ITLN1: variants seen among roughly 807,000 people sequenced by gnomAD.
ITLN1 encodes the protein intelectin-1.
Under a neutral mutation model 36.2 loss-of-function variants are expected in ITLN1, and 29 were observed. That is an observed-to-expected ratio of 0.80 (90% CI 0.60 to 1.09). ITLN1 has a LOEUF of 1.09. ITLN1 is among the 50% of genes least tolerant of loss of function. ITLN1 has a pLI of 0.00. For synonymous variants in ITLN1, 143 were observed against 146.5 expected, an observed-to-expected ratio of 0.98 and a Z score of 0.17; for missense variants, 358 against 405.2, an observed-to-expected ratio of 0.88 and a Z score of 1.00.
In ITLN1 at chr1:160,885,152, T is replaced by G; in HGVS notation, c.-98A>C. ...GCCCTGGAGCTCAACAGAGTGCAGC[T>G]TTCTCCAAAAACGCTCCTGATGTGG... On this transcript the variant is annotated 5_prime_UTR_variant, in exon 1 of 8. Coordinates refer to ENST00000326245, the MANE Select transcript of ITLN1 (RefSeq NM_017625.3). 2 of 350,938 alleles carry G rather than the reference T, an allele frequency of 5.7e-6. No homozygotes were observed. Among genetic ancestry groups the G allele is most frequent in the African/African-American group, 4.1e-5 (2 of 48,620 alleles). The allele number at this position is 350,938 out of a possible 1,614,324, so 21.7% of individuals were successfully genotyped here. A position where few individuals can be genotyped will look rare whatever the true frequency, so the allele number is the denominator to read the frequency against.
chr1:160,878,471 C>A (rs1174936620), intron 7 of ITLN1, among the ~76,000 whole-genome samples: 1 of 151,510 alleles, frequency 6.6e-6, no homozygotes, highest in Admixed American at 6.6e-5. Context: ...CTGCAACCTC[C>A]ACCTCCCAGG....
chr1:160,883,404 C>G, intron 3 of ITLN1, 24 bp downstream of exon 3: 1 of 1,525,188 alleles, frequency 6.6e-7, no homozygotes, highest in Non-Finnish European at 9.1e-7. Context: ...TGACTGAGCT[C>G]TGTTTGAATG....
intron 7 of ITLN1, among the ~76,000 whole-genome samples, chr1:160,877,980 C>A (rs550937472): frequency 2.3e-4 from 35 of 152,236 alleles, no homozygotes; most frequent in Admixed American, 6.5e-4. Flanking sequence ...ACCAGCCTGA[C>A]CAACATGGAG....
chr1:160,881,972 C>T lies in ITLN1; in HGVS notation c.390G>A (p.Thr130=), dbSNP rs202028015. The change falls in exon 4 of 8, where the codon ACG becomes ACA. Residue 130 remains threonine, a synonymous_variant. Coordinates refer to ENST00000326245, the MANE Select transcript of ITLN1 (RefSeq NM_017625.3). ...YNTFGSAEAA[T]SDDYKNPGYY... ...TGGCACCAACCTTGTAGTCATCGCT[C>T]GTGGCCGCCTCTGCAGATCCAAAGG... is the stretch of plus-strand genomic sequence containing the variant. The T allele has an allele frequency of 2.9e-5, 47 of 1,614,150 alleles. No individual in the cohort carries two copies. The highest frequency in any genetic ancestry group is 6.7e-5 in the Admixed American group (4 of 60,026).
chr1:160,884,588 G>A (rs541916208), intron 2 of ITLN1, among the ~76,000 whole-genome samples: 1 of 152,288 alleles, frequency 6.6e-6, no homozygotes, highest in East Asian at 1.9e-4. Flanking sequence ...CACAGTTCTT[G>A]CCACAGCCCC....
chr1:160,881,491 C>A, intron 4 of ITLN1, 179 bp from the exon 5 acceptor site: 2 of 630,838 alleles, frequency 3.2e-6, no homozygotes, highest in Non-Finnish European at 5.1e-6. Flanking sequence ...CCCTAACAGC[C>A]TTGTTAGGAG....
chr1:160,879,041 G>T (rs1037530002), intron 7 of ITLN1, among the ~76,000 whole-genome samples: 1 of 152,164 alleles, frequency 6.6e-6, no homozygotes, highest in African/African-American at 2.4e-5. Flanking sequence ...GCGATTGAGT[G>T]TTTTCTCACA....
rs769600088 is a variant in ITLN1, at chr1:160,882,114, G to A, written c.248C>T (p.Ala83Val). ...ACGCATGTCATTCTCGTGCACGCTG[G>A]CCACCAGGGTCCAGCCGCCACCCCC... ...TSGGGGWTLV[A>V]SVHENDMRGK... The change falls in exon 4 of 8, where the codon GCC (alanine) becomes GTC (valine). Residue 83 changes from alanine to valine, a missense_variant. Ala to Val is a moderately conservative substitution (Grantham distance 64, BLOSUM62 0). Coordinates refer to ENST00000326245, the MANE Select transcript of ITLN1 (RefSeq NM_017625.3). The A allele has an allele frequency of 6.2e-7, 1 of 1,614,038 alleles. No homozygotes were observed. The highest frequency in any genetic ancestry group is 8.5e-7 in the Non-Finnish European group (1 of 1,179,930).
chr1:160,879,438 G>A (rs763222237), intron 6 of ITLN1, 24 bp from the exon 7 acceptor site: 3 of 1,588,022 alleles, frequency 1.9e-6, no homozygotes, highest in African/African-American at 2.7e-5. Context: ...GCAGAAAACA[G>A]CATTCAAGGA....
intron 2 of ITLN1, among the ~76,000 whole-genome samples, chr1:160,884,286 G>A (rs1020513147): frequency 7.9e-5 from 12 of 152,128 alleles, no homozygotes; most frequent in African/African-American, 2.9e-4. Flanking sequence ...AACAGTCTAG[G>A]GGAAAGCTGT....
At chr1:160,880,482 C>T (rs1670657050) in intron 6 of ITLN1, 106 bp downstream of exon 6, 1 of 1,165,478 alleles carries the variant, frequency 8.6e-7, no homozygotes, top group Non-Finnish European at 1.2e-6. Context: ...ATATAGGGAA[C>T]ATTACAGGAG....
In ITLN1 at chr1:160,878,695, T is replaced by C. The variant is rs182513170; in HGVS notation, c.789+616A>G. 3.4e-5 allele frequency among the ~76,000 whole-genome samples: 5 copies of C among 148,214 alleles called. No homozygotes were observed. The East Asian group carries it at 9.9e-4, about 29-fold the overall frequency. On this transcript the variant is annotated intron_variant, in intron 7 of 7. Coordinates refer to ENST00000326245, the MANE Select transcript of ITLN1 (RefSeq NM_017625.3). ...CCACCATGCCTGGCCAGTATTTCTT[T>C]ATAGCAGTGAAAGAATGGACTAATT...
At chr1:160,881,819 A>G (rs1571142525) in intron 4 of ITLN1, 138 bp downstream of exon 4, 1 of 1,134,526 alleles carries the variant, frequency 8.8e-7, no homozygotes, top group Non-Finnish European at 1.2e-6. Flanking sequence ...AAAAAAAAAA[A>G]AAAAAAGATA....
At chr1:160,879,033 G>A (rs1305037686) in intron 7 of ITLN1, among the ~76,000 whole-genome samples, 2 of 152,052 alleles carry the variant, frequency 1.3e-5, no homozygotes, top group African/African-American at 4.8e-5. Context: ...AGCTCCAAGC[G>A]ATTGAGTGTT....
intron 4 of ITLN1, 128 bp downstream of exon 4, chr1:160,881,829 A>C (rs10908808): frequency 6.2e-6 from 7 of 1,120,224 alleles, no homozygotes; most frequent in Non-Finnish European, 8.8e-6. Flanking sequence ...AAAAAAAGAT[A>C]TAAGTATTTC....
chr1:160,880,822 ATT>A, intron 5 of ITLN1, 114 bp from the exon 6 acceptor site: 1 of 1,253,528 alleles, frequency 8.0e-7, no homozygotes, highest in Non-Finnish European at 1.1e-6. Context: ...AGTAACTGAG[ATT>A]ACTTCAAAAC....
chr1:160,882,420 T>C, intron 3 of ITLN1: 1 of 464,288 alleles, frequency 2.2e-6, no homozygotes, highest in South Asian at 5.8e-5. Flanking sequence ...AAAATCCCAG[T>C]GACATTTTTC....
intron 7 of ITLN1, among the ~76,000 whole-genome samples, chr1:160,878,994 A>G (rs1670636699): frequency 6.6e-6 from 1 of 152,170 alleles, no homozygotes; most frequent in East Asian, 1.9e-4. Context: ...AGACTTCTAC[A>G]CAATGTTTCA....
chr1:160,882,406 G>A, intron 3 of ITLN1: 1 of 496,668 alleles, frequency 2.0e-6, no homozygotes, highest in Admixed American at 3.8e-5. Context: ...ACATAGAATT[G>A]TATAAAATCC....
Sources: allele counts gnomAD v4.1 joint callset (sites outside exome capture counted in the v4.1 genomes callset), GRCh38; gene constraint gnomAD v4.1.1; transcripts MANE v1.5; gene names NCBI Gene and HGNC (gene_info 2026-07-23, HGNC 2026-07-21).